The following ADGRB3 variants were observed in gnomAD, a reference collection of about 807,000 sequenced individuals.
ADGRB3 encodes adhesion G protein-coupled receptor B3.
Under a neutral mutation model 193.4 loss-of-function variants are expected in ADGRB3, and 37 were observed. The ratio of observed to expected loss-of-function variants is 0.19; its 90% CI spans 0.15 to 0.25. The LOEUF is 0.25. Ranked by LOEUF, ADGRB3 falls within the 10% of genes least tolerant of loss-of-function variation. ADGRB3 has a pLI of 1.00. For synonymous variants in ADGRB3, 690 were observed against 644.2 expected, an observed-to-expected ratio of 1.07 and a Z score of -1.08; for missense variants, 1,637 against 1,852.9, an observed-to-expected ratio of 0.88 and a Z score of 2.14.
In ADGRB3 at chr6:69,320,817, A is replaced by ATGTGTGTGTGTGTGTG. The variant is rs1491560826; in HGVS notation, c.2815-4048_2815-4047insGTGTGTGTGTGTGTGT. On this transcript the variant is annotated intron_variant, in intron 20 of 31. Transcript: ENST00000370598. Reference sequence around the variant, plus strand: ...TTCATCAAAGTATATGTGCTTGTGCATGTGTGTATGTGTGTGTGTGTGTGT... The same window carrying ATGTGTGTGTGTGTGTG: ...TTCATCAAAGTATATGTGCTTGTGCATGTGTGTGTGTGTGTGTGTGTGTATGTGTGTGTGTGTGTGT... 5.1e-4 allele frequency among the ~76,000 whole-genome samples: 54 copies of ATGTGTGTGTGTGTGTG among 104,960 alleles called. No homozygotes were observed. In the Middle Eastern group the frequency reaches 0.017, roughly 33 times the overall value. The allele number at this position is 104,960 out of a possible 152,430, so 68.9% of individuals were successfully genotyped here.
intron 30 of ADGRB3, among the ~76,000 whole-genome samples, 165 bp downstream of exon 30, chr6:69,372,606 A>G (rs556211928): frequency 6.6e-6 from 1 of 152,186 alleles, no homozygotes; most frequent in South Asian, 2.1e-4. Context: ...ATAGGATGAA[A>G]TTTTTAAATT....
intron 3 of ADGRB3, among the ~76,000 whole-genome samples, chr6:68,676,417 GGA>G (rs1213831665): frequency 6.8e-6 from 1 of 147,934 alleles, no homozygotes; most frequent in African/African-American, 2.5e-5. Flanking sequence ...AAAAAGAAAA[GGA>G]GAGAGAGAGA....
intron 3 of ADGRB3, among the ~76,000 whole-genome samples, chr6:68,783,047 T>C (rs1345490173): frequency 6.7e-6 from 1 of 149,360 alleles, no homozygotes; most frequent in East Asian, 2.0e-4. Flanking sequence ...TGCTTAGATT[T>C]ACTACCAGCT....
intron 3 of ADGRB3, among the ~76,000 whole-genome samples, chr6:68,753,149 C>T (rs1264384258): frequency 2.0e-5 from 3 of 152,248 alleles, no homozygotes; most frequent in African/African-American, 4.8e-5. Flanking sequence ...TGGTATAATA[C>T]ACTATCCATG....
intron 12 of ADGRB3, among the ~76,000 whole-genome samples, chr6:69,014,669 C>G (rs964166382): frequency 5.3e-5 from 8 of 151,792 alleles, no homozygotes; most frequent in Non-Finnish European, 1.0e-4. Context: ...TTGTGGTATC[C>G]TAACTGATAA....
At chr6:69,352,455 T>G (rs1769246730) in intron 26 of ADGRB3, among the ~76,000 whole-genome samples, 1 of 152,350 alleles carries the variant, frequency 6.6e-6, no homozygotes, top group East Asian at 1.9e-4. Flanking sequence ...GGTAATGCAT[T>G]CTTTTTCAAA....
chr6:69,370,214 C>T (rs527360230), intron 29 of ADGRB3, among the ~76,000 whole-genome samples: 135 of 152,182 alleles, frequency 8.9e-4, no homozygotes, highest in Middle Eastern at 3.4e-3. Flanking sequence ...ATATTTTATC[C>T]GACCATCCCA....
intron 17 of ADGRB3, among the ~76,000 whole-genome samples, chr6:69,181,287 TG>T (rs1225260631): frequency 6.6e-6 from 1 of 151,420 alleles, no homozygotes; most frequent in Non-Finnish European, 1.5e-5. Context: ...ATCACTATCT[TG>T]AAAAAAAAAA....
At chr6:69,013,975 G>A (rs972425733) in intron 11 of ADGRB3, 63 bp from the exon 12 acceptor site, 7 of 1,117,444 alleles carry the variant, frequency 6.3e-6, no homozygotes, top group Non-Finnish European at 7.7e-6. Context: ...ACCCAAATGG[G>A]TGTTATTAAA....
intron 17 of ADGRB3, among the ~76,000 whole-genome samples, chr6:69,144,235 T>C (rs1213621448): frequency 6.6e-6 from 1 of 152,218 alleles, no homozygotes; most frequent in Admixed American, 6.5e-5. Flanking sequence ...CTACTGATTG[T>C]TGTATGTTGA....
intron 31 of ADGRB3, among the ~76,000 whole-genome samples, chr6:69,385,889 C>T (rs757556782): frequency 3.3e-5 from 5 of 151,984 alleles, no homozygotes; most frequent in African/African-American, 4.8e-5. Flanking sequence ...ACACGCAGGA[C>T]GATGAGTCGC....
At chr6:68,812,859 G>A (rs1767543375) in intron 3 of ADGRB3, among the ~76,000 whole-genome samples, 1 of 145,252 alleles carries the variant, frequency 6.9e-6, no homozygotes, top group African/African-American at 2.6e-5. Context: ...AGTGTGTGAT[G>A]TTCCCCTCCC....
At position 69,062,998 on chromosome 6, in the gene ADGRB3, G is replaced by C. The variant is rs754848273; in HGVS notation, c.2398G>C (p.Asp800His). Residue 800 changes from aspartate to histidine, a missense_variant, in exon 16 of 32, where the codon GAT (aspartate) becomes CAT (histidine). Physicochemically the swap from Asp to His is moderately conservative, Grantham distance 81. This residue lies in a region of ADGRB3 where 641 missense variants were observed against 673.9 expected (regional missense o/e 0.95). Transcript: ENST00000370598. ...VTIRPEPKTT[D>H]SFLEIELAHL... ...AATAAGGCCTGAACCCAAAACAACC[G>C]ATTCGTTTCTGGAGATAGAACTAGC... 1.2e-6 allele frequency: 2 copies of C among 1,612,108 alleles called. No individual in the cohort carries two copies. The highest frequency in any genetic ancestry group is 2.2e-5 in the East Asian group (1 of 44,794).
chr6:68,771,907 C>T (rs1268049969), intron 3 of ADGRB3, among the ~76,000 whole-genome samples: 2 of 152,044 alleles, frequency 1.3e-5, no homozygotes, highest in Non-Finnish European at 1.5e-5. Context: ...TCAGCCCGCA[C>T]AGCATTTTGA....
chr6:68,767,491 C>A (rs956846647), intron 3 of ADGRB3, among the ~76,000 whole-genome samples: 2 of 151,972 alleles, frequency 1.3e-5, no homozygotes, highest in Non-Finnish European at 2.9e-5. Flanking sequence ...AATTCAACAC[C>A]CCTTCATGCT....
intron 6 of ADGRB3, among the ~76,000 whole-genome samples, chr6:68,954,440 C>T (rs1357730870): frequency 6.6e-6 from 1 of 152,034 alleles, no homozygotes; most frequent in African/African-American, 2.4e-5. Flanking sequence ...ACATTCCAGT[C>T]ATCAGAAAAC....
At chr6:69,134,460 G>T (rs145252374) in intron 17 of ADGRB3, among the ~76,000 whole-genome samples, 203 of 152,140 alleles carry the variant, frequency 1.3e-3, no homozygotes, top group African/African-American at 4.8e-3. Flanking sequence ...ATTTGGGATT[G>T]GGAACCATAG....
intron 3 of ADGRB3, among the ~76,000 whole-genome samples, chr6:68,681,643 A>G (rs1246822580): frequency 6.6e-6 from 1 of 152,110 alleles, no homozygotes; most frequent in Non-Finnish European, 1.5e-5. Context: ...TTTCTTTTCA[A>G]ACTACTAATC....
At chr6:68,827,591 A>G (rs1767868789) in intron 3 of ADGRB3, among the ~76,000 whole-genome samples, 1 of 151,940 alleles carries the variant, frequency 6.6e-6, no homozygotes, top group Non-Finnish European at 1.5e-5. Context: ...ATGTGTTATA[A>G]GTGGAGGAGC....
Sources: allele counts gnomAD v4.1 joint callset (sites outside exome capture counted in the v4.1 genomes callset), GRCh38; gene constraint gnomAD v4.1.1; regional missense constraint gnomAD v4.1.1; transcripts MANE v1.5; gene names NCBI Gene and HGNC (gene_info 2026-07-23, HGNC 2026-07-21).